ARHGAP24: variants seen among roughly 807,000 people sequenced by gnomAD.
ARHGAP24 encodes Rho GTPase activating protein 24, also known as rho GTPase-activating protein 24.
In ARHGAP24, 50 loss-of-function variants were observed where a neutral mutation model predicts 76.4. That is an observed-to-expected ratio of 0.65 (90% CI 0.52 to 0.83). ARHGAP24 has a LOEUF of 0.83. Ranked by LOEUF, ARHGAP24 falls within the 40% of genes least tolerant of loss-of-function variation. ARHGAP24 has a pLI of 0.00. For missense variants in ARHGAP24, 930 were observed against 914.2 expected (o/e 1.02, Z -0.22); for synonymous variants, 345 against 323.3 (o/e 1.07, Z -0.72).
intron 2 of ARHGAP24, among the ~76,000 whole-genome samples, chr4:85,711,170 C>T (rs1296877662): frequency 6.6e-6 from 1 of 152,096 alleles, no homozygotes; most frequent in African/African-American, 2.4e-5. Context: ...ACCAGATGTT[C>T]TCTCGTCAGC....
rs146749949 is a variant in ARHGAP24 at position 85,813,501 on chromosome 4, G to A, written c.268+91529G>A. On this transcript the variant is annotated intron_variant, in intron 3 of 9. Transcript: ENST00000395184. ...AGTAAGGGACATTTTGTCTGATGGT[G>A]ACAGTGTCCTCAGTTGTAAAATTCC... 8.1e-3 allele frequency among the ~76,000 whole-genome samples: 1,240 copies of A among 152,212 alleles called. 7 individuals are homozygous for A. The highest frequency in any genetic ancestry group is 0.01 in the Middle Eastern group (3 of 294).
intron 1 of ARHGAP24, among the ~76,000 whole-genome samples, chr4:85,479,804 G>A (rs1166658016): frequency 2.0e-5 from 3 of 152,174 alleles, no homozygotes; most frequent in African/African-American, 7.2e-5. Context: ...ATACATATGG[G>A]CTTATTTTAT....
chr4:85,712,095 T>C lies in ARHGAP24; in HGVS notation c.181-9790T>C, dbSNP rs144460859. On this transcript the variant is annotated intron_variant, in intron 2 of 9. Coordinates refer to ENST00000395184, the MANE Select transcript of ARHGAP24 (RefSeq NM_001025616.3). The stretch of plus-strand genomic sequence containing the variant: ...TTTACCAACCCCTGAACAGTTCACA[T>C]TTCTTTTCCTAGTTGAGAAATAATA... Among the ~76,000 whole-genome samples, 802 of 152,318 alleles carry C rather than the reference T, an allele frequency of 5.3e-3. 7 individuals carry two copies. Among genetic ancestry groups the C allele is most frequent in the African/African-American group, 0.018 (759 of 41,570 alleles).
At chr4:85,725,698 C>T (rs1169610475) in intron 3 of ARHGAP24, among the ~76,000 whole-genome samples, 1 of 152,236 alleles carries the variant, frequency 6.6e-6, no homozygotes, top group Non-Finnish European at 1.5e-5. Context: ...TGCTAGTATT[C>T]TCCCAGCATT....
At chr4:85,921,001 A>G (rs1206015505) in intron 3 of ARHGAP24, among the ~76,000 whole-genome samples, 1 of 152,230 alleles carries the variant, frequency 6.6e-6, no homozygotes, top group African/African-American at 2.4e-5. Flanking sequence ...CAGAAATACC[A>G]TCTGACCAAG....
At chr4:85,592,394 A>G (rs1199220195) in intron 2 of ARHGAP24, among the ~76,000 whole-genome samples, 1 of 152,074 alleles carries the variant, frequency 6.6e-6, no homozygotes, top group Non-Finnish European at 1.5e-5. Flanking sequence ...CTCCTTATAT[A>G]TTCTGGTTTA....
chr4:85,942,956 G>C (rs1560734964), intron 5 of ARHGAP24, among the ~76,000 whole-genome samples: 1 of 151,898 alleles, frequency 6.6e-6, no homozygotes, highest in Non-Finnish European at 1.5e-5. Flanking sequence ...CATATTAATA[G>C]TTGAAAAATA....
At chr4:85,657,432 A>G (rs934052019) in intron 2 of ARHGAP24, among the ~76,000 whole-genome samples, 1 of 152,136 alleles carries the variant, frequency 6.6e-6, no homozygotes, top group Admixed American at 6.5e-5. Flanking sequence ...TTTCAAATAC[A>G]AGAGAAAAAT....
rs907101460 is a variant in ARHGAP24, at chr4:85,625,914, A to G, written c.180+55193A>G. Among the ~76,000 whole-genome samples the G allele has an allele frequency of 7.3e-5, 11 of 151,456 alleles. No individual in the cohort carries two copies. In the East Asian group the frequency reaches 1.5e-3, roughly 21 times the overall value. ...CAACCCCTGCCTTTTTTTGTTTTCT[A>G]TTTGCTTGGTAGATCTTCCTCCATC... On this transcript the variant is annotated intron_variant, in intron 2 of 9. Coordinates refer to ENST00000395184, the MANE Select transcript of ARHGAP24 (RefSeq NM_001025616.3).
chr4:85,946,684 G>C (rs1273893128), intron 5 of ARHGAP24, among the ~76,000 whole-genome samples: 1 of 152,182 alleles, frequency 6.6e-6, no homozygotes, highest in Admixed American at 6.5e-5. Context: ...TGGTGGCATA[G>C]TATTCCATGG....
At chr4:85,834,050 G>T (rs1173151889) in intron 3 of ARHGAP24, among the ~76,000 whole-genome samples, 1 of 152,138 alleles carries the variant, frequency 6.6e-6, no homozygotes, top group Admixed American at 6.6e-5. Context: ...GTATGTATTT[G>T]TTTATAGTAG....
chr4:85,923,462 G>T (rs1229676559), intron 3 of ARHGAP24, among the ~76,000 whole-genome samples, 186 bp from the exon 4 acceptor site: 1 of 152,174 alleles, frequency 6.6e-6, no homozygotes, highest in Non-Finnish European at 1.5e-5. Context: ...TCTCCTGAAA[G>T]CATAACAGTC....
intron 2 of ARHGAP24, among the ~76,000 whole-genome samples, chr4:85,668,213 A>C (rs150238356): frequency 6.6e-6 from 1 of 152,204 alleles, no homozygotes; most frequent in Admixed American, 6.5e-5. Context: ...GGTTTACTCT[A>C]ATACTATGTT....
At chr4:85,564,970 A>ATAT (rs1553914962) in intron 1 of ARHGAP24, among the ~76,000 whole-genome samples, 15 of 116,494 alleles carry the variant, frequency 1.3e-4, no homozygotes, top group African/African-American at 5.0e-4. Context: ...ATATATATAT[A>ATAT]CCCACACCCA....
chr4:85,658,777 G>T (rs1439021865), intron 2 of ARHGAP24, among the ~76,000 whole-genome samples: 1 of 152,182 alleles, frequency 6.6e-6, no homozygotes, highest in Non-Finnish European at 1.5e-5. Context: ...AGTATGTCTG[G>T]CTGGTTTGTT....
chr4:85,808,376 C>CT (rs577149208), intron 3 of ARHGAP24, among the ~76,000 whole-genome samples: 3 of 152,084 alleles, frequency 2.0e-5, no homozygotes, highest in South Asian at 2.1e-4. Flanking sequence ...CCACTTTAAC[C>CT]TTTTTTTTCT....
At chr4:85,925,182 A>G (rs1326240187) in intron 4 of ARHGAP24, among the ~76,000 whole-genome samples, 1 of 152,220 alleles carries the variant, frequency 6.6e-6, no homozygotes, top group African/African-American at 2.4e-5. Context: ...AATTCTAAAT[A>G]TAAACGATTC....
At chr4:85,847,268 A>C (rs756447664) in intron 3 of ARHGAP24, among the ~76,000 whole-genome samples, 1 of 152,120 alleles carries the variant, frequency 6.6e-6, no homozygotes, top group Non-Finnish European at 1.5e-5. Context: ...TTCATTTAAC[A>C]AATATTTGTT....
chr4:85,549,389 C>T (rs2110127862), intron 1 of ARHGAP24, among the ~76,000 whole-genome samples: 1 of 151,362 alleles, frequency 6.6e-6, no homozygotes, highest in Non-Finnish European at 1.5e-5. Flanking sequence ...TTATAATGTG[C>T]AATTCTCTGA....
Sources: gnomAD v4.1 joint callset for allele counts (sites outside exome capture counted in the v4.1 genomes callset) on GRCh38, gnomAD v4.1.1 for gene constraint, MANE v1.5 for transcripts, NCBI Gene and HGNC (gene_info 2026-07-23, HGNC 2026-07-21) for gene names.